Variants in TMEM40 observed in about 807,000 individuals in gnomAD.
The protein encoded by TMEM40 is transmembrane protein 40.
In TMEM40, 34 loss-of-function variants were observed where a neutral mutation model predicts 40.8. The ratio of observed to expected loss-of-function variants is 0.83; its 90% CI spans 0.63 to 1.11. TMEM40 has a LOEUF of 1.11. Among genes scored for constraint, TMEM40 ranks in the 50% least tolerant of loss-of-function variants. The pLI, the probability that TMEM40 is intolerant of heterozygous loss-of-function variation, is 0.00. For missense variants in TMEM40, 296 were observed against 280.2 expected (o/e 1.06, Z -0.40); for synonymous variants, 106 against 107.0 (o/e 0.99, Z 0.06).
chr3:12,734,594 G>T lies in TMEM40; in HGVS notation c.*180C>A. ...GGTTGCACAGCAGTACTGCCCAAATGAGATGCCCCTGCCCGGGCTGGTGCC... is the reference window on the plus strand; with the variant it reads ...GGTTGCACAGCAGTACTGCCCAAATTAGATGCCCCTGCCCGGGCTGGTGCC... On this transcript the variant is annotated 3_prime_UTR_variant, in exon 12 of 12. Coordinates refer to ENST00000314124, the MANE Select transcript of TMEM40 (RefSeq NM_018306.4). The T allele has an allele frequency of 1.4e-6, 1 of 701,272 alleles. No homozygotes were observed. Among genetic ancestry groups the T allele is most frequent in the Non-Finnish European group, 2.4e-6 (1 of 417,358 alleles). The allele number at this position is 701,272 out of a possible 1,614,324, so 43.4% of individuals were successfully genotyped here.
At chr3:12,755,192 TTC>T (rs1559533150) in intron 1 of TMEM40, among the ~76,000 whole-genome samples, 17 of 98,106 alleles carry the variant, frequency 1.7e-4, no homozygotes, top group South Asian at 5.6e-4. Context: ...CCTTCCTTCC[TTC>T]CTTCCTTTCT....
At chr3:12,751,405 C>T (rs933395835) in intron 1 of TMEM40, among the ~76,000 whole-genome samples, 2 of 151,484 alleles carry the variant, frequency 1.3e-5, no homozygotes, top group Non-Finnish European at 1.5e-5. Flanking sequence ...CCTCAGCCTC[C>T]GGAGTAGCTG....
intron 1 of TMEM40, among the ~76,000 whole-genome samples, chr3:12,768,212 G>C (rs1188581455): frequency 6.6e-6 from 1 of 152,102 alleles, no homozygotes; most frequent in African/African-American, 2.4e-5. Context: ...TGGGTTCGTG[G>C]TCTATGCTGG....
intron 1 of TMEM40, among the ~76,000 whole-genome samples, chr3:12,751,697 C>T (rs184545033): frequency 7.9e-5 from 12 of 152,262 alleles, no homozygotes; most frequent in African/African-American, 2.9e-4. Context: ...CAGAAGCCTC[C>T]AGGGCATATT....
intron 4 of TMEM40, among the ~76,000 whole-genome samples, chr3:12,742,869 T>C (rs939506746): frequency 2.6e-5 from 4 of 152,206 alleles, no homozygotes; most frequent in African/African-American, 9.6e-5. Context: ...TATTAGTACC[T>C]ACCCCACCCA....
chr3:12,736,487 G>A lies in TMEM40; in HGVS notation c.619+91C>T, dbSNP rs1289458345. 4.2e-6 allele frequency: 6 copies of A among 1,445,308 alleles called. No individual in the cohort carries two copies. The African/African-American group carries it at 8.5e-5, about 20-fold the overall frequency. 89.5% of individuals were successfully genotyped at this position (1,445,308 alleles called of 1,614,324 possible). On this transcript the variant is annotated intron_variant, in intron 10 of 11. Coordinates refer to ENST00000314124, the MANE Select transcript of TMEM40 (RefSeq NM_018306.4). ...TAAAAGTGTAGATTGTGACTCTCTG[G>A]TCCATACTTGAATGAGTATGAAAAT...
intron 1 of TMEM40, among the ~76,000 whole-genome samples, chr3:12,756,145 TAAC>T (rs1402520561): frequency 1.3e-5 from 2 of 152,052 alleles, no homozygotes. Context: ...TACACAATAA[TAAC>T]GAGAAACAAA....
At chr3:12,761,793 T>C (rs1435516758), upstream of TMEM40, among the ~76,000 whole-genome samples, 1 of 152,014 alleles carries the variant, frequency 6.6e-6, no homozygotes, top group East Asian at 1.9e-4. Context: ...CACATGCGGT[T>C]ATGGAGCCCT....
intron 3 of TMEM40, 104 bp downstream of exon 3, chr3:12,748,551 G>T: frequency 6.9e-7 from 1 of 1,451,558 alleles, no homozygotes; most frequent in Non-Finnish European, 9.3e-7. Context: ...TGGAGAAACG[G>T]TATTGGAGTT....
intron 1 of TMEM40, among the ~76,000 whole-genome samples, chr3:12,758,614 C>T (rs2061547024): frequency 6.6e-6 from 1 of 152,174 alleles, no homozygotes; most frequent in South Asian, 2.1e-4. Context: ...GGCATATCCT[C>T]CCCGGGGGTG....
chr3:12,751,207 A>C (rs536136583), intron 1 of TMEM40, among the ~76,000 whole-genome samples: 181 of 146,108 alleles, frequency 1.2e-3, no homozygotes, highest in African/African-American at 4.3e-3. Context: ...GCCTCCTCTT[A>C]CCCTTGGACA....
intron 1 of TMEM40, among the ~76,000 whole-genome samples, chr3:12,758,486 C>T (rs983107690): frequency 5.6e-5 from 8 of 143,264 alleles, no homozygotes; most frequent in African/African-American, 1.0e-4. Flanking sequence ...TGACAGCCTA[C>T]GGGGGTGGGT....
intron 1 of TMEM40, among the ~76,000 whole-genome samples, chr3:12,751,321 G>T (rs560920443): frequency 6.7e-6 from 1 of 149,118 alleles, no homozygotes; most frequent in South Asian, 2.2e-4. Context: ...CGCTTCTGTC[G>T]CCCAGGCTGG....
At chr3:12,740,974 C>T (rs541526805) in intron 5 of TMEM40, among the ~76,000 whole-genome samples, 19 of 152,316 alleles carry the variant, frequency 1.2e-4, no homozygotes, top group Non-Finnish European at 2.1e-4. Context: ...CATGCCTGCT[C>T]CAGGCTATCC....
intron 1 of TMEM40, among the ~76,000 whole-genome samples, chr3:12,768,334 C>T (rs1013624063): frequency 6.6e-6 from 1 of 152,062 alleles, no homozygotes; most frequent in Non-Finnish European, 1.5e-5. Flanking sequence ...GTGACCCCAG[C>T]GGGTTACCAC....
intron 3 of TMEM40, among the ~76,000 whole-genome samples, chr3:12,747,167 T>A (rs1158194171): frequency 6.6e-6 from 1 of 151,628 alleles, no homozygotes; most frequent in Non-Finnish European, 1.5e-5. Context: ...ATTTGCAACA[T>A]GAGGACATAA....
At chr3:12,745,200 C>T (rs1200376914) in intron 3 of TMEM40, among the ~76,000 whole-genome samples, 1 of 150,500 alleles carries the variant, frequency 6.6e-6, no homozygotes, top group African/African-American at 2.5e-5. Flanking sequence ...GCTCAGATTA[C>T]AGGCGTGCAC....
At chr3:12,737,633 G>C in intron 8 of TMEM40, 74 bp downstream of exon 8, 1 of 1,418,528 alleles carries the variant, frequency 7.0e-7, no homozygotes, top group Non-Finnish European at 1.0e-6. Context: ...GCTGTGCTAG[G>C]CCACCAGCTG....
intron 7 of TMEM40, 180 bp from the exon 8 acceptor site, chr3:12,737,934 T>G (rs2061349937): frequency 5.5e-6 from 5 of 901,294 alleles, no homozygotes; most frequent in Non-Finnish European, 8.8e-6. Flanking sequence ...CCCCACTGAC[T>G]TCCTCCTCCT....
Sources: gnomAD v4.1 joint callset for allele counts (sites outside exome capture counted in the v4.1 genomes callset) on GRCh38, gnomAD v4.1.1 for gene constraint, MANE v1.5 for transcripts, NCBI Gene and HGNC (gene_info 2026-07-23, HGNC 2026-07-21) for gene names.